PCSK5: variants seen among roughly 807,000 people sequenced by gnomAD.
PCSK5 encodes the protein proprotein convertase subtilisin/kexin type 5.
Under a neutral mutation model 233.2 loss-of-function variants are expected in PCSK5, and 129 were observed. The ratio of observed to expected loss-of-function variants is 0.55; its 90% confidence interval spans 0.48 to 0.64. The LOEUF is 0.64. Among genes scored for constraint, PCSK5 ranks in the 30% least tolerant of loss-of-function variants. The pLI is 0.00. For synonymous variants in PCSK5, 825 were observed against 879.2 expected (o/e 0.94, Z 1.09); for missense variants, 2,076 against 2,430.1 (o/e 0.85, Z 3.06).
chr9:76,032,673 A>G (rs961469427), intron 5 of PCSK5, among the ~76,000 whole-genome samples: 4 of 152,178 alleles, frequency 2.6e-5, no homozygotes, highest in African/African-American at 9.6e-5. Context: ...TAGCTTGCCA[A>G]ATAAAGCTGA....
chr9:76,303,876 T>C (rs1311688208), intron 28 of PCSK5, among the ~76,000 whole-genome samples: 1 of 152,138 alleles, frequency 6.6e-6, no homozygotes, highest in Admixed American at 6.6e-5. Context: ...AATTAGTGTA[T>C]TGGAAAACCA....
intron 2 of PCSK5, among the ~76,000 whole-genome samples, chr9:75,941,739 T>C (rs922105204): frequency 1.3e-5 from 2 of 152,130 alleles, no homozygotes; most frequent in Non-Finnish European, 2.9e-5. Context: ...CCATTTATGG[T>C]GACACGATGA....
rs1379644750 is a variant in PCSK5, at chr9:76,159,846, C to T, written c.1619+675C>T. Among the ~76,000 whole-genome samples, 94 of 116,460 alleles carry T rather than the reference C, an allele frequency of 8.1e-4. 1 individual carries two copies. The highest frequency in any genetic ancestry group is 2.5e-4 in the East Asian group (1 of 3,936). 76.4% of individuals were successfully genotyped at this position (116,460 alleles called of 152,430 possible). ...TTTTTTTTTTTTTTTTTTTGAGAGA[C>T]GGAGTCTCACTCTGTCTCCAGGCTG... is the stretch of plus-strand genomic sequence containing the variant. On this transcript the variant is annotated intron_variant, in intron 12 of 37. Coordinates refer to ENST00000674117, the MANE Select transcript of PCSK5 (RefSeq NM_001372043.1).
intron 30 of PCSK5, among the ~76,000 whole-genome samples, chr9:76,320,099 T>G (rs1444562825): frequency 6.6e-6 from 1 of 152,100 alleles, no homozygotes; most frequent in African/African-American, 2.4e-5. Flanking sequence ...ATCTTGATGG[T>G]AGTGGTCCCC....
At chr9:75,993,122 C>G (rs1336628313) in intron 3 of PCSK5, among the ~76,000 whole-genome samples, 1 of 152,052 alleles carries the variant, frequency 6.6e-6, no homozygotes, top group African/African-American at 2.4e-5. Context: ...GCATTATTGT[C>G]CTGGCAGCTT....
intron 20 of PCSK5, among the ~76,000 whole-genome samples, chr9:76,200,104 A>AT (rs1381304585): frequency 4.6e-5 from 7 of 151,218 alleles, no homozygotes; most frequent in Middle Eastern, 3.4e-3. Flanking sequence ...CTCCTCTCCT[A>AT]TTTTCTCTCC....
At chr9:75,936,847 G>C (rs1348648967) in intron 2 of PCSK5, among the ~76,000 whole-genome samples, 1 of 152,136 alleles carries the variant, frequency 6.6e-6, no homozygotes, top group Admixed American at 6.5e-5. Context: ...AGATCCATTA[G>C]AGGAAACACT....
chr9:76,119,762 G>A (rs1176938653), intron 9 of PCSK5, among the ~76,000 whole-genome samples: 2 of 152,038 alleles, frequency 1.3e-5, no homozygotes, highest in African/African-American at 4.8e-5. Context: ...GGATATCCAT[G>A]ACACAAGCAT....
intron 10 of PCSK5, among the ~76,000 whole-genome samples, chr9:76,137,682 A>G (rs1479362827): frequency 6.6e-6 from 1 of 152,050 alleles, no homozygotes; most frequent in Non-Finnish European, 1.5e-5. Context: ...TATAAATATC[A>G]TGTACCTATC....
intron 24 of PCSK5, among the ~76,000 whole-genome samples, chr9:76,246,813 G>A (rs1391310578): frequency 1.3e-5 from 2 of 152,208 alleles, no homozygotes; most frequent in African/African-American, 4.8e-5. Context: ...TGGAAGGCAA[G>A]GCACAAAGGT....
At chr9:76,015,887 T>A (rs746206104) in intron 3 of PCSK5, among the ~76,000 whole-genome samples, 1 of 152,178 alleles carries the variant, frequency 6.6e-6, no homozygotes, top group Non-Finnish European at 1.5e-5. Flanking sequence ...CTCTTCCCAT[T>A]TTTCTCATCT....
intron 36 of PCSK5, among the ~76,000 whole-genome samples, chr9:76,353,333 A>C (rs1406224409): frequency 6.6e-6 from 1 of 152,208 alleles, no homozygotes; most frequent in Non-Finnish European, 1.5e-5. Flanking sequence ...CTTCCCAAAG[A>C]GATTTAACTA....
intron 24 of PCSK5, among the ~76,000 whole-genome samples, chr9:76,266,248 G>A (rs927854851): frequency 6.6e-6 from 1 of 152,096 alleles, no homozygotes; most frequent in Non-Finnish European, 1.5e-5. Flanking sequence ...ATTATTTCTG[G>A]TAGGCTATAT....
intron 5 of PCSK5, among the ~76,000 whole-genome samples, chr9:76,037,764 C>T (rs776559234): frequency 6.6e-6 from 1 of 152,044 alleles, no homozygotes; most frequent in Non-Finnish European, 1.5e-5. Flanking sequence ...GAGGTTGTGT[C>T]GTACGTGGGG....
At chr9:76,130,105 A>C (rs1822698614) in intron 9 of PCSK5, among the ~76,000 whole-genome samples, 1 of 152,132 alleles carries the variant, frequency 6.6e-6, no homozygotes, top group Non-Finnish European at 1.5e-5. Flanking sequence ...GTAAACTATT[A>C]TAAAAATCAT....
At position 76,179,578 on chromosome 9, in the gene PCSK5, C is replaced by G. The variant is rs1823757295; in HGVS notation, c.1901-18C>G. ...TAAAATCATTTTTCCAAGTATTGTT[C>G]TAATGTCTTTTGGAAAGGTCCCTGC... is the stretch of plus-strand genomic sequence containing the variant. On this transcript the variant is annotated intron_variant, in intron 14 of 37. Coordinates refer to ENST00000674117, the MANE Select transcript of PCSK5 (RefSeq NM_001372043.1). 3.8e-6 allele frequency: 6 copies of G among 1,582,766 alleles called. No individual in the cohort carries two copies. Among genetic ancestry groups the G allele is most frequent in the Non-Finnish European group, 5.2e-6 (6 of 1,151,816 alleles).
chr9:76,250,956 T>A (rs1335328935), intron 24 of PCSK5, among the ~76,000 whole-genome samples: 1 of 152,220 alleles, frequency 6.6e-6, no homozygotes, highest in Non-Finnish European at 1.5e-5. Context: ...CTATGAAAAT[T>A]GTATTTCAAT....
chr9:76,190,245 A>T (rs534233329), intron 20 of PCSK5, among the ~76,000 whole-genome samples: 1 of 152,194 alleles, frequency 6.6e-6, no homozygotes, highest in South Asian at 2.1e-4. Flanking sequence ...AACAACATGT[A>T]TGCAACATTA....
chr9:76,046,820 A>C (rs960407350), intron 5 of PCSK5, among the ~76,000 whole-genome samples: 1 of 151,912 alleles, frequency 6.6e-6, no homozygotes, highest in East Asian at 2.0e-4. Flanking sequence ...TCGGCCTCCC[A>C]AAGTGCTGGG....
Sources: allele counts gnomAD v4.1 joint callset (sites outside exome capture counted in the v4.1 genomes callset), GRCh38; gene constraint gnomAD v4.1.1; transcripts MANE v1.5; gene names NCBI Gene and HGNC (gene_info 2026-07-23, HGNC 2026-07-21).